The following OTULINL variants were observed in gnomAD, a reference collection of about 807,000 sequenced individuals.
OTULINL encodes OTU deubiquitinase with linear linkage specificity like.
OTULINL carries 42 observed loss-of-function variants against 43.9 expected under a neutral mutation model. That is an observed-to-expected ratio of 0.96 (90% CI 0.75 to 1.24). The LOEUF (loss-of-function observed/expected upper bound fraction) is 1.24, where lower values mean the gene tolerates loss of function less well. OTULINL is among the 50% of genes most tolerant of loss of function. The pLI, the probability that OTULINL is intolerant of heterozygous loss-of-function variation, is 0.00. For missense variants in OTULINL, 411 were observed against 426.4 expected (o/e 0.96, Z 0.32); for synonymous variants, 172 against 153.6 (o/e 1.12, Z -0.88).
chr5:14,608,915 C>A lies in OTULINL; in HGVS notation c.795C>A (p.Pro265=), dbSNP rs114359288. 1,458 of 1,614,020 alleles carry A rather than the reference C, an allele frequency of 9.0e-4. No homozygotes were observed. The highest frequency in any genetic ancestry group is 1.1e-3 in the Non-Finnish European group (1,324 of 1,179,886). Reference sequence around the variant, plus strand: ...AAATGAAGACTAAAAAGGTCATTCCCAGTCTTTTTAGACTCCTGTTTTCCA... The same window carrying A: ...AAATGAAGACTAAAAAGGTCATTCCAAGTCTTTTTAGACTCCTGTTTTCCA... ...YEQMKTKKVI[P]SLFRLLFSRE... Residue 265 remains proline, a synonymous_variant, in exon 7 of 8, where the codon CCC becomes CCA. Transcript: ENST00000274217.
chr5:14,614,588 T>A lies in OTULINL; in HGVS notation c.*4274T>A, dbSNP rs895064194. 2 of 398,514 alleles carry A rather than the reference T, an allele frequency of 5.0e-6. No individual in the cohort carries two copies. The highest frequency in any genetic ancestry group is 2.1e-5 in the African/African-American group (1 of 48,628). The allele number at this position is 398,514 out of a possible 1,614,324, so 24.7% of individuals were successfully genotyped here. A position where few individuals can be genotyped will look rare whatever the true frequency, so the allele number is the denominator to read the frequency against. Reference sequence around the variant, plus strand: ...TTATGCTTAATATCAACATGGTTTATAAGTGGACAGAAAAACACTCACTCA... The same window carrying A: ...TTATGCTTAATATCAACATGGTTTAAAAGTGGACAGAAAAACACTCACTCA... On this transcript the variant is annotated 3_prime_UTR_variant, in exon 8 of 8. Coordinates refer to ENST00000274217, the MANE Select transcript of OTULINL (RefSeq NM_019018.3).
intron 1 of OTULINL, among the ~76,000 whole-genome samples, chr5:14,596,884 A>T (rs912217283): frequency 6.6e-6 from 1 of 152,142 alleles, no homozygotes; most frequent in Admixed American, 6.5e-5. Flanking sequence ...CAGTCCTGTC[A>T]TGGGGGCCCC....
chr5:14,605,978 G>A (rs148894585), intron 5 of OTULINL, among the ~76,000 whole-genome samples: 352 of 152,202 alleles, frequency 2.3e-3, no homozygotes, highest in African/African-American at 7.9e-3. Flanking sequence ...TTCCAAAGTC[G>A]CTTTCATGTT....
At position 14,598,599 on chromosome 5, in the gene OTULINL, G is replaced by A. The variant is rs62348160; in HGVS notation, c.65-2366G>A. Among the ~76,000 whole-genome samples the A allele has an allele frequency of 8.5e-3, 1,295 of 152,244 alleles. 6 individuals are homozygous for A. Among genetic ancestry groups the A allele is most frequent in the Non-Finnish European group, 0.014 (945 of 68,014 alleles). On this transcript the variant is annotated intron_variant, in intron 1 of 7. Transcript: ENST00000274217. ...AATGATCCAAGTGTTTATCAATAAG[G>A]CAGTGTTAGGCTGAGGCGGGAGGAT...
At chr5:14,593,561 G>A (rs1759239115) in intron 1 of OTULINL, among the ~76,000 whole-genome samples, 1 of 152,202 alleles carries the variant, frequency 6.6e-6, no homozygotes, top group African/African-American at 2.4e-5. Flanking sequence ...CCACGGGGAA[G>A]GAATTACAAC....
intron 1 of OTULINL, among the ~76,000 whole-genome samples, chr5:14,585,546 G>A (rs983197843): frequency 7.9e-5 from 12 of 152,122 alleles, no homozygotes; most frequent in African/African-American, 2.9e-4. Flanking sequence ...GCTTCATCTG[G>A]GAGGCCTTGG....
chr5:14,615,048 C>T lies in OTULINL; in HGVS notation c.*4734C>T. 3.5e-6 allele frequency: 1 copy of T among 289,124 alleles called. No individual in the cohort carries two copies. Among genetic ancestry groups the T allele is most frequent in the African/African-American group, 2.2e-5 (1 of 46,376 alleles). 17.9% of individuals were successfully genotyped at this position (289,124 alleles called of 1,614,324 possible). On this transcript the variant is annotated 3_prime_UTR_variant, in exon 8 of 8. Coordinates refer to ENST00000274217, the MANE Select transcript of OTULINL (RefSeq NM_019018.3). ...AGATGGGCTGTAAAACCCATTTCCA[C>T]ACGAGTATAAATTTAAAACAGAAAC...
intron 1 of OTULINL, among the ~76,000 whole-genome samples, chr5:14,584,510 T>C (rs1162614845): frequency 6.6e-6 from 1 of 152,234 alleles, no homozygotes; most frequent in Non-Finnish European, 1.5e-5. Flanking sequence ...AGTTTAATGC[T>C]AAATCAGAAA....
In OTULINL at chr5:14,613,662, C is replaced by CTG. The variant is rs1243992102; in HGVS notation, c.*3349_*3350dup. ...AAGAAACTATTAATTCAGAGCCACC[C>CTG]TGGTGAGTTGAATTTCTTGAATGTC... is the stretch of plus-strand genomic sequence containing the variant. On this transcript the variant is annotated 3_prime_UTR_variant, in exon 8 of 8. Coordinates refer to ENST00000274217, the MANE Select transcript of OTULINL (RefSeq NM_019018.3). 2.0e-5 allele frequency among the ~76,000 whole-genome samples: 3 copies of CTG among 152,160 alleles called. No individual in the cohort carries two copies. The highest frequency in any genetic ancestry group is 4.4e-5 in the Non-Finnish European group (3 of 68,018).
At chr5:14,605,014 G>T (rs1319833385) in intron 5 of OTULINL, among the ~76,000 whole-genome samples, 4 of 152,198 alleles carry the variant, frequency 2.6e-5, no homozygotes, top group African/African-American at 4.8e-5. Context: ...TGGGGATGGG[G>T]TCTCAGTGTG....
At chr5:14,592,922 C>G (rs1300605928) in intron 1 of OTULINL, among the ~76,000 whole-genome samples, 2 of 152,202 alleles carry the variant, frequency 1.3e-5, no homozygotes, top group Non-Finnish European at 2.9e-5. Flanking sequence ...CCTTGGATCT[C>G]AGCTCAGTCT....
chr5:14,606,782 A>G (rs1051468259), intron 5 of OTULINL, among the ~76,000 whole-genome samples: 11 of 152,270 alleles, frequency 7.2e-5, no homozygotes, highest in Non-Finnish European at 1.6e-4. Flanking sequence ...TAACTATTTT[A>G]ACAAAAAAGA....
At chr5:14,605,144 C>T (rs990868878) in intron 5 of OTULINL, among the ~76,000 whole-genome samples, 2 of 152,218 alleles carry the variant, frequency 1.3e-5, no homozygotes, top group Non-Finnish European at 2.9e-5. Flanking sequence ...CCTCTGAAAC[C>T]TGGGTGGAGG....
chr5:14,601,470 G>A (rs769768545), intron 4 of OTULINL, 28 bp downstream of exon 4: 1 of 1,570,924 alleles, frequency 6.4e-7, no homozygotes, highest in South Asian at 1.1e-5. Context: ...GGGTATGGGA[G>A]AAATAGAGTT....
chr5:14,603,883 AAT>A (rs1343353755), intron 5 of OTULINL, among the ~76,000 whole-genome samples: 3 of 152,150 alleles, frequency 2.0e-5, no homozygotes, highest in African/African-American at 4.8e-5. Context: ...AGAAATATAA[AAT>A]ATGTGTGTGT....
At chr5:14,605,221 C>T (rs1245216406) in intron 5 of OTULINL, among the ~76,000 whole-genome samples, 3 of 152,230 alleles carry the variant, frequency 2.0e-5, no homozygotes, top group Non-Finnish European at 4.4e-5. Context: ...GCTGTTAAGG[C>T]TTGGGGCTTG....
chr5:14,604,478 T>C (rs950720664), intron 5 of OTULINL, among the ~76,000 whole-genome samples: 5 of 152,162 alleles, frequency 3.3e-5, no homozygotes, highest in Non-Finnish European at 7.3e-5. Context: ...CCCCAAAGTC[T>C]TAAATCATTT....
intron 5 of OTULINL, among the ~76,000 whole-genome samples, chr5:14,604,417 C>T (rs189187590): frequency 6.6e-6 from 1 of 152,106 alleles, no homozygotes; most frequent in African/African-American, 2.4e-5. Context: ...CTGGCCCCTC[C>T]CAAATCTCAC....
intron 1 of OTULINL, among the ~76,000 whole-genome samples, chr5:14,593,329 C>T (rs1759235965): frequency 6.6e-6 from 1 of 152,130 alleles, no homozygotes; most frequent in African/African-American, 2.4e-5. Flanking sequence ...TCAGATAGTG[C>T]TTTTTTGTTT....
Sources: gnomAD v4.1 joint callset for allele counts (sites outside exome capture counted in the v4.1 genomes callset) on GRCh38, gnomAD v4.1.1 for gene constraint, MANE v1.5 for transcripts, NCBI Gene and HGNC (gene_info 2026-07-23, HGNC 2026-07-21) for gene names.